PLP1: variants seen among roughly 807,000 people sequenced by gnomAD.
PLP1 encodes the protein proteolipid protein 1, also known as myelin proteolipid protein.
A neutral mutation model predicts 18.5 loss-of-function variants in PLP1; 2 were observed. That is an observed-to-expected ratio of 0.11 (90% CI 0.04 to 0.34). The LOEUF (loss-of-function observed/expected upper bound fraction) is 0.34, where lower values mean the gene tolerates loss of function less well. Among genes scored for constraint, PLP1 ranks in the 10% least tolerant of loss-of-function variants. The pLI is 1.00. For missense variants in PLP1, 105 were observed against 207.3 expected (o/e 0.51, Z 3.03); for synonymous variants, 86 against 83.2 (o/e 1.03, Z -0.19).
chrX:103,788,787 A>T, intron 5 of PLP1: 1 of 366,982 alleles, frequency 2.7e-6, no homozygotes, highest in Non-Finnish European at 4.7e-6. Flanking sequence ...CCTAATGGCA[A>T]AATCCCCCAC....
Position 103,785,582 on chromosome X carries a change from G to A in PLP1, c.5G>A (p.Gly2Asp). 1 of 1,207,706 alleles carries A rather than the reference G, an allele frequency of 8.3e-7. No individual in the cohort carries two copies. The highest frequency in any genetic ancestry group is 1.1e-6 in the Non-Finnish European group (1 of 892,263). The change falls in exon 2 of 7, where the codon GGC (glycine) becomes GAC (aspartate). Residue 2 changes from glycine (G) to aspartate (D), a missense_variant and splice_region_variant. Physicochemically the swap from Gly to Asp is moderately conservative, Grantham distance 94. Transcript: ENST00000621218. M[G>D]LLECCARCLV... Reference sequence around the variant, plus strand: ...ACTGTTTCCCCTTCTTCTTCCCCAGGCTTGTTAGAGTGCTGTGCAAGATGT... The same window carrying A: ...ACTGTTTCCCCTTCTTCTTCCCCAGACTTGTTAGAGTGCTGTGCAAGATGT...
In PLP1 at chrX:103,787,932, T is replaced by C; in HGVS notation, c.588T>C (p.Ser196=). The C allele has an allele frequency of 8.3e-7, 1 of 1,211,113 alleles. No individual in the cohort carries two copies. The highest frequency in any genetic ancestry group is 1.1e-6 in the Non-Finnish European group (1 of 894,686). ...CCTTCCCCAGCAAGACCTCTGCCAG[T>C]ATAGGCAGTCTCTGTGCTGATGCCA... is the stretch of plus-strand genomic sequence containing the variant. ...SIAFPSKTSA[S]IGSLCADARM... The change falls in exon 4 of 7, where the codon AGT becomes AGC. Residue 196 remains serine (S), a synonymous_variant. Coordinates refer to ENST00000621218, the MANE Select transcript of PLP1 (RefSeq NM_000533.5).
rs1011890080 is a variant in PLP1, at chrX:103,791,384, C to T, written c.*786C>T. 1 of 112,227 alleles carries T rather than the reference C, an allele frequency of 8.9e-6. No homozygotes were observed. Among genetic ancestry groups the T allele is most frequent in the Non-Finnish European group, 1.9e-5 (1 of 53,252 alleles). 9.2% of individuals were successfully genotyped at this position (112,227 alleles called of 1,213,427 possible). Reference sequence around the variant, plus strand: ...CTTGATAACAGCTACCATGACAACCCTGTGGTTTCCAAGGAGCTGAGAATA... The same window carrying T: ...CTTGATAACAGCTACCATGACAACCTTGTGGTTTCCAAGGAGCTGAGAATA... On this transcript the variant is annotated 3_prime_UTR_variant, in exon 7 of 7. Coordinates refer to ENST00000621218, the MANE Select transcript of PLP1 (RefSeq NM_000533.5).
intron 3 of PLP1, 112 bp from the exon 4 acceptor site, chrX:103,787,686 C>A: frequency 1.6e-6 from 1 of 643,205 alleles, no homozygotes. Context: ...GAAGGAGAGC[C>A]CTGGAACCTG....
chrX:103,786,103 T>G (rs941190417), intron 2 of PLP1: 1 of 1,070,078 alleles, frequency 9.3e-7, no homozygotes, highest in Non-Finnish European at 1.2e-6. Flanking sequence ...AAGCCTCTCC[T>G]GTTCCTAGAA....
chrX:103,777,811 G>A (rs1039682036), intron 1 of PLP1, among the ~76,000 whole-genome samples: 12 of 112,345 alleles, frequency 1.1e-4, no homozygotes, highest in African/African-American at 3.9e-4. Context: ...AGAGCACAAG[G>A]GTCTTTGTCC....
chrX:103,787,717 C>T (rs1249093175), intron 3 of PLP1, 81 bp from the exon 4 acceptor site: 7 of 850,540 alleles, frequency 8.2e-6, no homozygotes, highest in Non-Finnish European at 1.2e-5. Context: ...CTGGCACACG[C>T]CACTCCAGGA....
intron 1 of PLP1, among the ~76,000 whole-genome samples, chrX:103,782,000 T>A (rs1008290162): frequency 8.9e-6 from 1 of 112,158 alleles, no homozygotes; most frequent in Non-Finnish European, 1.9e-5. Flanking sequence ...TCTTGGACTG[T>A]GAAAAATCAA....
chrX:103,781,383 T>G, intron 1 of PLP1: 1 of 294,439 alleles, frequency 3.4e-6, no homozygotes, highest in Non-Finnish European at 6.8e-6. Flanking sequence ...AAAGTTGGAG[T>G]ATCAACTATC....
At chrX:103,786,123 C>T in intron 2 of PLP1, 1 of 1,091,807 alleles carries the variant, frequency 9.2e-7, no homozygotes, top group Non-Finnish European at 1.2e-6. Flanking sequence ...ACAAGTTAGG[C>T]TCCTGTTCCT....
rs748894669 is a variant in PLP1, at chrX:103,787,950, T to C, written c.606T>C (p.Ala202=). 4 of 1,209,428 alleles carry C rather than the reference T, an allele frequency of 3.3e-6. No homozygotes were observed. Among genetic ancestry groups the C allele is most frequent in the Non-Finnish European group, 4.5e-6 (4 of 893,070 alleles). The part of the protein sequence containing the change: ...KTSASIGSLC[A]DARMYGVLPW... ...CTGCCAGTATAGGCAGTCTCTGTGC[T>C]GATGCCAGAATGTATGGTGAGTTAG... is the stretch of plus-strand genomic sequence containing the variant. The change falls in exon 4 of 7, where the codon GCT becomes GCC. Residue 202 remains alanine (A), a synonymous_variant. Transcript: ENST00000621218.
In PLP1 at chrX:103,783,010, G is replaced by A. The variant is rs2074466759; in HGVS notation, c.5-2572G>A. On this transcript the variant is annotated intron_variant, in intron 1 of 6. Transcript: ENST00000621218. ...TTTACTAGAAAAGTCTAAGAGTTTG[G>A]GGGTGGGGAGGAGTTGGATAGGCAG... Among the ~76,000 whole-genome samples, 4 of 112,022 alleles carry A rather than the reference G, an allele frequency of 3.6e-5. No homozygotes were observed. The South Asian group carries it at 1.5e-3, about 42-fold the overall frequency.
Position 103,790,845 on chromosome X carries a change from A to T in PLP1, c.*247A>T. 2.5e-6 allele frequency: 1 copy of T among 405,632 alleles called. No homozygotes were observed. Among genetic ancestry groups the T allele is most frequent in the Non-Finnish European group, 4.3e-6 (1 of 230,872 alleles). The allele number at this position is 405,632 out of a possible 1,213,427, so 33.4% of individuals were successfully genotyped here. A position where few individuals can be genotyped will look rare whatever the true frequency, so the allele number is the denominator to read the frequency against. On this transcript the variant is annotated 3_prime_UTR_variant, in exon 7 of 7. Coordinates refer to ENST00000621218, the MANE Select transcript of PLP1 (RefSeq NM_000533.5). ...CTAGAAATGGGAAATGCCTAAGAAG[A>T]TGACTTCCCAACTGCAAGTCACAAA...
intron 1 of PLP1, chrX:103,780,967 C>T (rs971681099): frequency 1.4e-5 from 2 of 145,614 alleles, no homozygotes; most frequent in East Asian, 3.2e-4. Flanking sequence ...AGATTCGAGA[C>T]CTAGGGAGGT....
intron 1 of PLP1, among the ~76,000 whole-genome samples, chrX:103,784,446 G>A (rs550752261): frequency 3.6e-4 from 40 of 111,810 alleles, no homozygotes; most frequent in African/African-American, 5.2e-4. Context: ...AAATCATTAA[G>A]CCTGCATTTT....
chrX:103,782,213 C>T lies in PLP1; in HGVS notation c.5-3369C>T, dbSNP rs766033633. Among the ~76,000 whole-genome samples the T allele has an allele frequency of 3.6e-5, 4 of 111,844 alleles. No homozygotes were observed. The South Asian group carries it at 1.5e-3, about 42-fold the overall frequency. Reference sequence around the variant, plus strand: ...TTCATCTAGGTTGTGAAGAGATGAACATCTGATGCTTATGCTGATATTACT... The same window carrying T: ...TTCATCTAGGTTGTGAAGAGATGAATATCTGATGCTTATGCTGATATTACT... On this transcript the variant is annotated intron_variant, in intron 1 of 6. Transcript: ENST00000621218.
intron 1 of PLP1, 54 bp downstream of exon 1, chrX:103,777,053 A>T: frequency 4.6e-6 from 5 of 1,098,094 alleles, no homozygotes; most frequent in Non-Finnish European, 6.3e-6. Context: ...GGAATTCACA[A>T]GAGAATTTCC....
At chrX:103,779,953 G>C (rs1039896793) in intron 1 of PLP1, 4 of 112,768 alleles carry the variant, frequency 3.5e-5, no homozygotes, top group Non-Finnish European at 7.5e-5. Context: ...GACCAAGTGA[G>C]GACAGTGACA....
chrX:103,783,949 T>TCA (rs1363335959), intron 1 of PLP1, among the ~76,000 whole-genome samples: 1 of 112,224 alleles, frequency 8.9e-6, no homozygotes, highest in Non-Finnish European at 1.9e-5. Flanking sequence ...ATACATATAT[T>TCA]TATATATATA....
Sources: allele counts gnomAD v4.1 joint callset (sites outside exome capture counted in the v4.1 genomes callset), GRCh38; gene constraint gnomAD v4.1.1; transcripts MANE v1.5; gene names NCBI Gene and HGNC (gene_info 2026-07-23, HGNC 2026-07-21).